Variants in DMBT1 observed in about 807,000 individuals in gnomAD.
The protein encoded by DMBT1 is scavenger receptor cysteine-rich domain-containing protein DMBT1.
Under a neutral mutation model 252.9 loss-of-function variants are expected in DMBT1, and 198 were observed. That is an observed-to-expected ratio of 0.78 (90% CI 0.70 to 0.88). DMBT1 has a LOEUF of 0.88. Among genes scored for constraint, DMBT1 ranks in the 40% least tolerant of loss-of-function variants. The pLI is 0.00. For missense variants in DMBT1, 2,432 were observed against 2,404.7 expected (o/e 1.01, Z -0.24); for synonymous variants, 990 against 942.7 (o/e 1.05, Z -0.92).
chr10:122,628,301 T>C (rs916491222), intron 46 of DMBT1, among the ~76,000 whole-genome samples: 1 of 152,138 alleles, frequency 6.6e-6, no homozygotes, highest in African/African-American at 2.4e-5. Context: ...GAAACAAATA[T>C]GATATGTCCA....
At chr10:122,561,559 TGTCTCTCTGC>T in intron 1 of DMBT1, among the ~76,000 whole-genome samples, 1 of 98,928 alleles carries the variant, frequency 1.0e-5, no homozygotes, top group Non-Finnish European at 2.1e-5. Flanking sequence ...TCTCTCTTCC[TGTCTCTCTGC>T]CTCTCTCTCT....
At chr10:122,574,010 G>C (rs187793854) in intron 6 of DMBT1, among the ~76,000 whole-genome samples, 2 of 152,280 alleles carry the variant, frequency 1.3e-5, no homozygotes, top group African/African-American at 4.8e-5. Context: ...TCTGTCTCTA[G>C]AGATTCTGTT....
chr10:122,629,922 C>T lies in DMBT1; in HGVS notation c.5751C>T (p.Asn1917=). 1 of 1,614,028 alleles carries T rather than the reference C, an allele frequency of 6.2e-7. No homozygotes were observed. Among genetic ancestry groups the T allele is most frequent in the Non-Finnish European group, 8.5e-7 (1 of 1,179,900 alleles). ...CATCCTACCCTGCATACTACCCCAA[C>T]AATGCTAAGTGTGTTTGGGAAATAG... ...SSPSYPAYYP[N]NAKCVWEIEV... Residue 1917 remains asparagine (N), a synonymous_variant, in exon 47 of 56, where the codon AAC becomes AAT. Transcript: ENST00000338354.
chr10:122,579,071 T>C (rs1442989483), intron 9 of DMBT1, among the ~76,000 whole-genome samples: 1 of 152,028 alleles, frequency 6.6e-6, no homozygotes, highest in Non-Finnish European at 1.5e-5. Flanking sequence ...CAGAATTAGA[T>C]GTGATATTGG....
At position 122,580,904 on chromosome 10, in the gene DMBT1, C is replaced by T. The variant is rs780303201; in HGVS notation, c.1033+9C>T. Reference sequence around the variant, plus strand: ...GCCGACACCCAGCCCAGGTAGGTCCCCAGTGTCCTTCCTCAAAATGTCCCT... The same window carrying T: ...GCCGACACCCAGCCCAGGTAGGTCCTCAGTGTCCTTCCTCAAAATGTCCCT... On this transcript the variant is annotated intron_variant, in intron 11 of 55. Coordinates refer to ENST00000338354, the MANE Select transcript of DMBT1 (RefSeq NM_001377530.1). The T allele has an allele frequency of 5.0e-6, 8 of 1,613,826 alleles. No individual in the cohort carries two copies. Among genetic ancestry groups the T allele is most frequent in the Admixed American group, 1.7e-5 (1 of 60,000 alleles).
chr10:122,566,709 A>C (rs1261986163), intron 2 of DMBT1, among the ~76,000 whole-genome samples: 3 of 152,210 alleles, frequency 2.0e-5, no homozygotes, highest in Admixed American at 2.0e-4. Flanking sequence ...TCATGTATGA[A>C]ATGAATTGAT....
chr10:122,620,352 T>C, intron 43 of DMBT1, 61 bp downstream of exon 43: 1 of 1,583,004 alleles, frequency 6.3e-7, no homozygotes, highest in Non-Finnish European at 8.6e-7. Flanking sequence ...AACGTTTCTT[T>C]TGAAAATGAA....
chr10:122,586,653 G>A (rs937117823), intron 16 of DMBT1, among the ~76,000 whole-genome samples: 4 of 148,300 alleles, frequency 2.7e-5, no homozygotes, highest in African/African-American at 7.3e-5. Flanking sequence ...CGAAAGCGCC[G>A]GGTCTTTGCC....
intron 46 of DMBT1, 53 bp downstream of exon 46, chr10:122,626,018 A>T (rs1403901114): frequency 1.3e-6 from 2 of 1,499,228 alleles, no homozygotes; most frequent in African/African-American, 1.4e-5. Flanking sequence ...CTTATCCCCA[A>T]GCTTGGCTAT....
chr10:122,617,192 T>A, intron 39 of DMBT1, 36 bp from the exon 40 acceptor site: 1 of 1,602,574 alleles, frequency 6.2e-7, no homozygotes, highest in Non-Finnish European at 8.5e-7. Flanking sequence ...TCCCTTCAAG[T>A]CTAATTCTGT....
intron 4 of DMBT1, 32 bp downstream of exon 4, chr10:122,570,969 T>A: frequency 6.2e-7 from 1 of 1,605,702 alleles, no homozygotes; most frequent in Non-Finnish European, 8.5e-7. Context: ...CCCTGTGGGC[T>A]CATTACCCCA....
At chr10:122,635,164 T>C (rs1450788282) in intron 52 of DMBT1, among the ~76,000 whole-genome samples, 3 of 152,246 alleles carry the variant, frequency 2.0e-5, no homozygotes, top group South Asian at 4.1e-4. Context: ...AGCCCTTTTC[T>C]GTATGTTGTT....
intron 9 of DMBT1, 24 bp downstream of exon 9, chr10:122,578,783 C>G: frequency 1.3e-6 from 2 of 1,592,428 alleles, no homozygotes; most frequent in Non-Finnish European, 1.7e-6. Flanking sequence ...TCAACACTCC[C>G]TGGGGCTCAC....
At chr10:122,593,359 T>C (rs915613001) in intron 20 of DMBT1, among the ~76,000 whole-genome samples, 6 of 148,072 alleles carry the variant, frequency 4.1e-5, no homozygotes, top group African/African-American at 1.5e-4. Flanking sequence ...CACAATTTGA[T>C]CACCTCAGAG....
chr10:122,588,890 A>C, intron 16 of DMBT1, 54 bp from the exon 17 acceptor site: 1 of 1,584,410 alleles, frequency 6.3e-7, no homozygotes, highest in Non-Finnish European at 8.6e-7. Flanking sequence ...AATGTGCCTT[A>C]GATCCTTGAC....
At position 122,599,051 on chromosome 10, in the gene DMBT1, C is replaced by G. The variant is rs780147633; in HGVS notation, c.3234C>G (p.Leu1078=). 2 of 1,613,832 alleles carry G rather than the reference C, an allele frequency of 1.2e-6. No homozygotes were observed. The highest frequency in any genetic ancestry group is 1.1e-5 in the South Asian group (1 of 91,070). ...GGAGCTGCCCCCACAATGGCTGGCT[C>G]TCCCACAACTGTGGCCATAGTGAAG... is the stretch of plus-strand genomic sequence containing the variant. ...YLWSCPHNGW[L]SHNCGHSEDA... Residue 1078 remains leucine (L), a synonymous_variant, in exon 26 of 56, where the codon CTC becomes CTG. Coordinates refer to ENST00000338354, the MANE Select transcript of DMBT1 (RefSeq NM_001377530.1).
rs763791912 is a variant in DMBT1, at chr10:122,640,057, C to G, written c.6960C>G (p.Ile2320Met). ...TCTCCTAGGCAGACAATGACACCAT[C>G]GACTATTCCAACTTCCTCACAGCAG... ...GTFKQADNDT[I>M]DYSNFLTAAV... Residue 2320 changes from isoleucine to methionine, a missense_variant, in exon 55 of 56, where the codon ATC (isoleucine) becomes ATG (methionine). By Grantham distance (10) the Ile-to-Met change is conservative (BLOSUM62 1). Coordinates refer to ENST00000338354, the MANE Select transcript of DMBT1 (RefSeq NM_001377530.1). 1 of 1,613,820 alleles carries G rather than the reference C, an allele frequency of 6.2e-7. No homozygotes were observed. Among genetic ancestry groups the G allele is most frequent in the Admixed American group, 1.7e-5 (1 of 60,022 alleles).
chr10:122,591,450 C>A, intron 18 of DMBT1, 29 bp from the exon 19 acceptor site: 1 of 1,580,212 alleles, frequency 6.3e-7, no homozygotes, highest in Non-Finnish European at 8.6e-7. Flanking sequence ...AACTTTAATT[C>A]TAGCCTTTGT....
chr10:122,632,025 C>G, intron 50 of DMBT1, 150 bp downstream of exon 50: 2 of 905,226 alleles, frequency 2.2e-6, no homozygotes, highest in Non-Finnish European at 3.6e-6. Context: ...CTGCCGGCCA[C>G]CAGGATAGTG....
Sources: gnomAD v4.1 joint callset for allele counts (sites outside exome capture counted in the v4.1 genomes callset) on GRCh38, gnomAD v4.1.1 for gene constraint, MANE v1.5 for transcripts, NCBI Gene and HGNC (gene_info 2026-07-23, HGNC 2026-07-21) for gene names.